AFF3: variants seen among roughly 807,000 people sequenced by gnomAD.
AFF3 encodes AF4/FMR2 family member 3.
AFF3 carries 32 observed loss-of-function variants against 129.7 expected under a neutral mutation model. That is an observed-to-expected ratio of 0.25 (90% confidence interval 0.19 to 0.33). The LOEUF is 0.33. Among genes scored for constraint, AFF3 ranks in the 10% least tolerant of loss-of-function variants. The pLI is 1.00. For synonymous variants in AFF3, 644 were observed against 635.4 expected, an observed-to-expected ratio of 1.01 and a Z score of -0.20; for missense variants, 1,373 against 1,592.0, an observed-to-expected ratio of 0.86 and a Z score of 2.34.
chr2:100,131,864 A>T (rs1273993274), intron 1 of AFF3, among the ~76,000 whole-genome samples: 8 of 152,234 alleles, frequency 5.3e-5, no homozygotes, highest in Non-Finnish European at 7.3e-5. Context: ...AGAAGGGTTC[A>T]TATCTTTGCT....
chr2:99,894,618 G>A (rs575858221), intron 7 of AFF3, among the ~76,000 whole-genome samples: 149 of 151,684 alleles, frequency 9.8e-4, no homozygotes, highest in Non-Finnish European at 2.0e-3. Context: ...ACAGGCGCCC[G>A]CCACCACGCC....
intron 7 of AFF3, among the ~76,000 whole-genome samples, chr2:99,949,096 C>T (rs887679609): frequency 5.3e-5 from 8 of 152,104 alleles, no homozygotes; most frequent in African/African-American, 1.9e-4. Flanking sequence ...CTAGCTCTGC[C>T]ACTTTCAAGG....
intron 4 of AFF3, among the ~76,000 whole-genome samples, chr2:100,082,148 G>T (rs1211367192): frequency 1.3e-5 from 2 of 152,104 alleles, no homozygotes; most frequent in Non-Finnish European, 2.9e-5. Flanking sequence ...CTCATTATGA[G>T]ATTTTCTCAT....
intron 8 of AFF3, among the ~76,000 whole-genome samples, chr2:99,829,441 A>G (rs1334056488): frequency 6.6e-6 from 1 of 152,184 alleles, no homozygotes; most frequent in Non-Finnish European, 1.5e-5. Flanking sequence ...TATTTACAAG[A>G]AAAAAACAAC....
chr2:99,908,760 C>G (rs1694901945), intron 7 of AFF3, among the ~76,000 whole-genome samples: 1 of 152,162 alleles, frequency 6.6e-6, no homozygotes, highest in Admixed American at 6.5e-5. Context: ...AAATGCAAAT[C>G]AAAACCACAA....
chr2:99,584,052 C>T (rs565016194), intron 16 of AFF3, among the ~76,000 whole-genome samples: 169 of 152,210 alleles, frequency 1.1e-3, no homozygotes, highest in African/African-American at 3.9e-3. Flanking sequence ...TGAGCTTGTA[C>T]TAAATATAAT....
chr2:100,107,333 C>T, intron 2 of AFF3: 1 of 985,298 alleles, frequency 1.0e-6, no homozygotes, highest in Non-Finnish European at 1.2e-6. Context: ...ATCCTCCAGC[C>T]TCTGGGTATG....
intron 4 of AFF3, among the ~76,000 whole-genome samples, chr2:100,075,495 A>C (rs2105325163): frequency 6.6e-6 from 1 of 152,266 alleles, no homozygotes; most frequent in South Asian, 2.1e-4. Flanking sequence ...AAGATTCTTC[A>C]CTAAAGAATG....
intron 8 of AFF3, among the ~76,000 whole-genome samples, chr2:99,784,358 A>G (rs1014053105): frequency 6.6e-6 from 1 of 152,210 alleles, no homozygotes; most frequent in Non-Finnish European, 1.5e-5. Context: ...TCAGTGTAGT[A>G]GTATCCTGCC....
chr2:99,827,474 A>C (rs927589666), intron 8 of AFF3, among the ~76,000 whole-genome samples: 1 of 152,060 alleles, frequency 6.6e-6, no homozygotes, highest in Non-Finnish European at 1.5e-5. Context: ...TGTACTTCTG[A>C]TAAGCAAGCC....
Position 99,593,550 on chromosome 2 carries a change from T to G in AFF3, c.2111A>C (p.Asn704Thr), listed in dbSNP as rs748670007. The G allele has an allele frequency of 1.2e-6, 2 of 1,613,314 alleles. No homozygotes were observed. ...AGCGGCCTCCTTCAGCCTCTGATCA[T>G]TCCCGGAGGAGGCAGAGGCAGCCAC... Reference protein sequence around the residue: ...QTVAASASSGNDQRLKEAAAN... With the variant: ...QTVAASASSGTDQRLKEAAAN... Residue 704 changes from asparagine to threonine, a missense_variant, in exon 15 of 25, where the codon AAT (asparagine) becomes ACT (threonine). Asn to Thr is a moderately conservative substitution (Grantham distance 65). This residue lies in a region of AFF3 where 466 missense variants were observed against 505.0 expected (regional missense o/e 0.92). Coordinates refer to ENST00000672756, the MANE Select transcript of AFF3 (RefSeq NM_001386135.1).
chr2:99,778,024 G>A (rs2105361802), intron 8 of AFF3, among the ~76,000 whole-genome samples: 1 of 148,462 alleles, frequency 6.7e-6, no homozygotes, highest in East Asian at 2.0e-4. Context: ...CAATGTGCAT[G>A]TCCATATGGC....
chr2:100,039,470 A>C (rs1685246300), intron 4 of AFF3, among the ~76,000 whole-genome samples: 1 of 152,076 alleles, frequency 6.6e-6, no homozygotes, highest in Admixed American at 6.5e-5. Context: ...AGGCAAGAAG[A>C]TCACTTGAGC....
intron 4 of AFF3, among the ~76,000 whole-genome samples, chr2:100,032,907 A>C (rs1684620367): frequency 6.6e-6 from 1 of 152,238 alleles, no homozygotes; most frequent in Admixed American, 6.5e-5. Context: ...AATTACCATA[A>C]GTAGTAAGTA....
At chr2:99,692,829 A>G (rs1308447066) in intron 11 of AFF3, among the ~76,000 whole-genome samples, 1 of 152,252 alleles carries the variant, frequency 6.6e-6, no homozygotes, top group Non-Finnish European at 1.5e-5. Flanking sequence ...GCACTAACCT[A>G]ATGCAGAAGG....
intron 17 of AFF3, among the ~76,000 whole-genome samples, chr2:99,580,286 TA>T (rs1559500197): frequency 6.6e-6 from 1 of 152,180 alleles, no homozygotes; most frequent in African/African-American, 2.4e-5. Flanking sequence ...GCCCTTTTTT[TA>T]AAATAAAGTT....
At chr2:100,078,994 T>C (rs940030731) in intron 4 of AFF3, among the ~76,000 whole-genome samples, 2 of 150,404 alleles carry the variant, frequency 1.3e-5, no homozygotes, top group African/African-American at 4.9e-5. Context: ...CTAGGCTGGA[T>C]GGAGTGCAGT....
chr2:99,592,808 C>T (rs1678819933), intron 15 of AFF3, among the ~76,000 whole-genome samples: 1 of 151,904 alleles, frequency 6.6e-6, no homozygotes. Flanking sequence ...TGGTGGTGGA[C>T]ACCTGTAATC....
intron 7 of AFF3, among the ~76,000 whole-genome samples, chr2:99,883,826 T>G (rs939185690): frequency 6.6e-6 from 1 of 151,932 alleles, no homozygotes; most frequent in Non-Finnish European, 1.5e-5. Flanking sequence ...ATTATTATTA[T>G]ACATTTCAGG....
Sources: gnomAD v4.1 joint callset for allele counts (sites outside exome capture counted in the v4.1 genomes callset) on GRCh38, gnomAD v4.1.1 for gene constraint, gnomAD v4.1.1 regional missense constraint, MANE v1.5 for transcripts, NCBI Gene and HGNC (gene_info 2026-07-23, HGNC 2026-07-21) for gene names.